The following CREG2 variants were observed in gnomAD, a reference collection of about 807,000 sequenced individuals.
CREG2 encodes protein CREG2.
CREG2 carries 24 observed loss-of-function variants against 26.2 expected under a neutral mutation model. The observed-to-expected ratio is 0.92, with a 90% confidence interval of 0.66 to 1.29. CREG2 has a LOEUF of 1.29. CREG2 is among the 50% of genes most tolerant of loss of function. CREG2 has a pLI of 0.00. For synonymous variants in CREG2, 174 were observed against 169.2 expected, an observed-to-expected ratio of 1.03 and a Z score of -0.22; for missense variants, 366 against 398.6, an observed-to-expected ratio of 0.92 and a Z score of 0.70.
rs1558814970 is a variant in CREG2 at position 101,359,057 on chromosome 2, A to G, written c.612-3691T>C. Among the ~76,000 whole-genome samples the G allele has an allele frequency of 9.3e-4, 16 of 17,178 alleles. 1 individual carries two copies. In the South Asian group the frequency reaches 0.019, roughly 21 times the overall value. 11.3% of individuals were successfully genotyped at this position (17,178 alleles called of 152,430 possible). On this transcript the variant is annotated intron_variant, in intron 2 of 3. Coordinates refer to ENST00000324768, the MANE Select transcript of CREG2 (RefSeq NM_153836.4). ...CTCAAAAAAAAAAAAAAAAAAAAAA[A>G]AAAAAAAAAAAAAAAGAGAGAACTG...
intron 2 of CREG2, among the ~76,000 whole-genome samples, chr2:101,369,624 T>G (rs1210637388): frequency 6.6e-6 from 1 of 152,090 alleles, no homozygotes; most frequent in Non-Finnish European, 1.5e-5. Context: ...GCCGATAACT[T>G]GTAGGGGATT....
chr2:101,378,214 G>A (rs533701038), intron 2 of CREG2, among the ~76,000 whole-genome samples: 7 of 152,290 alleles, frequency 4.6e-5, no homozygotes, highest in Non-Finnish European at 8.8e-5. Context: ...GAGATCATGC[G>A]GGATTTGTCT....
intron 2 of CREG2, among the ~76,000 whole-genome samples, chr2:101,372,334 G>A (rs888085818): frequency 5.3e-5 from 8 of 152,172 alleles, no homozygotes; most frequent in African/African-American, 1.9e-4. Flanking sequence ...AAGGAAAAAA[G>A]TCTTATTTTC....
intron 2 of CREG2, among the ~76,000 whole-genome samples, chr2:101,368,766 GA>G (rs1329967653): frequency 1.3e-5 from 2 of 152,182 alleles, no homozygotes; most frequent in African/African-American, 2.4e-5. Flanking sequence ...AGGCCCCAGA[GA>G]GTTCTCTGGC....
intron 2 of CREG2, among the ~76,000 whole-genome samples, chr2:101,364,114 C>T (rs1684585944): frequency 1.3e-5 from 2 of 152,176 alleles, no homozygotes; most frequent in African/African-American, 2.4e-5. Flanking sequence ...ATGCATGGGA[C>T]GATCTTACAC....
chr2:101,374,598 G>A (rs191230993), intron 2 of CREG2, among the ~76,000 whole-genome samples: 172 of 152,336 alleles, frequency 1.1e-3, no homozygotes, highest in African/African-American at 3.8e-3. Flanking sequence ...TTCTGTCTCA[G>A]GTGGATATAG....
intron 2 of CREG2, among the ~76,000 whole-genome samples, chr2:101,356,178 C>T (rs948678499): frequency 2.6e-5 from 4 of 152,166 alleles, no homozygotes; most frequent in Non-Finnish European, 5.9e-5. Context: ...CCATCCTCTC[C>T]GACTCTCAGT....
chr2:101,381,660 A>G (rs1457169500), intron 2 of CREG2, among the ~76,000 whole-genome samples: 1 of 152,230 alleles, frequency 6.6e-6, no homozygotes, highest in East Asian at 1.9e-4. Flanking sequence ...ACAAGAAGAC[A>G]TAAACTAAGG....
chr2:101,371,320 C>T lies in CREG2; in HGVS notation c.611+12213G>A, dbSNP rs561138709. Among the ~76,000 whole-genome samples the T allele has an allele frequency of 4.6e-5, 7 of 152,242 alleles. No homozygotes were observed. In the South Asian group the frequency reaches 6.2e-4, roughly 14 times the overall value. ...CTTTCCAAAAGCCTGCTATTCATCT[C>T]GTTAGAGATGCACCACAAACAATGC... On this transcript the variant is annotated intron_variant, in intron 2 of 3. Transcript: ENST00000324768.
rs550057339 is a variant in CREG2 at position 101,367,787 on chromosome 2, G to A, written c.612-12421C>T. Among the ~76,000 whole-genome samples the A allele has an allele frequency of 2.6e-5, 4 of 152,356 alleles. No homozygotes were observed. In the South Asian group the frequency reaches 8.3e-4, roughly 32 times the overall value. On this transcript the variant is annotated intron_variant, in intron 2 of 3. Coordinates refer to ENST00000324768, the MANE Select transcript of CREG2 (RefSeq NM_153836.4). Reference sequence around the variant, plus strand: ...CTAGAGGGAGGCAGAAGTTTCAAGTGAGCAGTAGGAGGTGGGATGACAGAA... The same window carrying A: ...CTAGAGGGAGGCAGAAGTTTCAAGTAAGCAGTAGGAGGTGGGATGACAGAA...
In CREG2 at chr2:101,375,685, G is replaced by C. The variant is rs370055051; in HGVS notation, c.611+7848C>G. The C allele has an allele frequency of 7.6e-4, 148 of 195,300 alleles. 1 individual carries two copies. Among genetic ancestry groups the C allele is most frequent in the African/African-American group, 3.4e-3 (143 of 42,568 alleles). The allele number at this position is 195,300 out of a possible 1,614,324, so 12.1% of individuals were successfully genotyped here. Reference sequence around the variant, plus strand: ...CCTGCTCACGTCTAGGCATTTCCTCGGGACCACCCTACCCCAGGACGGGGT... The same window carrying C: ...CCTGCTCACGTCTAGGCATTTCCTCCGGACCACCCTACCCCAGGACGGGGT... On this transcript the variant is annotated intron_variant, in intron 2 of 3. Transcript: ENST00000324768.
rs1016930314 is a variant in CREG2, at chr2:101,346,661, A to G, written c.*4262T>C. ...GTTTTGGCTTATAGCTCAGTTCCTC[A>G]TTTTATTAGGGACTAATAAGAGAGA... On this transcript the variant is annotated 3_prime_UTR_variant, in exon 4 of 4. Coordinates refer to ENST00000324768, the MANE Select transcript of CREG2 (RefSeq NM_153836.4). 1 of 152,216 alleles carries G rather than the reference A, an allele frequency of 6.6e-6. No individual in the cohort carries two copies. The highest frequency in any genetic ancestry group is 6.5e-5 in the Admixed American group (1 of 15,286). 9.4% of individuals were successfully genotyped at this position (152,216 alleles called of 1,614,324 possible).
intron 2 of CREG2, chr2:101,376,168 T>G (rs1267061222): frequency 1.3e-5 from 2 of 152,614 alleles, no homozygotes; most frequent in African/African-American, 4.8e-5. Flanking sequence ...CCTCTTCGCC[T>G]CTGCTTTCTT....
At chr2:101,374,397 G>A (rs371151050) in intron 2 of CREG2, among the ~76,000 whole-genome samples, 1 of 152,322 alleles carries the variant, frequency 6.6e-6, no homozygotes, top group East Asian at 1.9e-4. Context: ...CAACAAAAAT[G>A]ACTCAGGTTA....
At chr2:101,356,217 C>G (rs1418126446) in intron 2 of CREG2, among the ~76,000 whole-genome samples, 1 of 152,194 alleles carries the variant, frequency 6.6e-6, no homozygotes, top group Non-Finnish European at 1.5e-5. Context: ...AGTCCAGCTG[C>G]TTTTCCCTCT....
chr2:101,380,228 T>C (rs1316940607), intron 2 of CREG2, among the ~76,000 whole-genome samples: 1 of 152,258 alleles, frequency 6.6e-6, no homozygotes, highest in East Asian at 1.9e-4. Flanking sequence ...CGGAATAGTC[T>C]CAGACTTGCA....
chr2:101,382,422 A>C, intron 2 of CREG2: 21 of 800,624 alleles, frequency 2.6e-5, no homozygotes, highest in African/African-American at 5.8e-5. Context: ...GCGAAACTCT[A>C]TCTCGAAAAA....
At chr2:101,367,729 A>C (rs1684639504) in intron 2 of CREG2, among the ~76,000 whole-genome samples, 1 of 152,196 alleles carries the variant, frequency 6.6e-6, no homozygotes, top group African/African-American at 2.4e-5. Context: ...ATCCTGGATT[A>C]TCCAGTGGGC....
intron 2 of CREG2, among the ~76,000 whole-genome samples, chr2:101,367,218 G>T (rs576058329): frequency 1.4e-4 from 21 of 152,288 alleles, no homozygotes; most frequent in Non-Finnish European, 1.5e-5. Context: ...GAAAAGGGGG[G>T]ATGTGGACCC....
Sources: gnomAD v4.1 joint callset for allele counts (sites outside exome capture counted in the v4.1 genomes callset) on GRCh38, gnomAD v4.1.1 for gene constraint, MANE v1.5 for transcripts, NCBI Gene and HGNC (gene_info 2026-07-23, HGNC 2026-07-21) for gene names.